ANKFN1: variants seen among roughly 807,000 people sequenced by gnomAD.
The protein encoded by ANKFN1 is ankyrin repeat and fibronectin type-III domain-containing protein 1.
A neutral mutation model predicts 108.7 loss-of-function variants in ANKFN1; 74 were observed. The ratio of observed to expected loss-of-function variants is 0.68; its 90% CI spans 0.56 to 0.83. The LOEUF (loss-of-function observed/expected upper bound fraction) is 0.83. Among genes scored for constraint, ANKFN1 ranks in the 40% least tolerant of loss-of-function variants. ANKFN1 has a pLI of 0.00. For missense variants in ANKFN1, 1,505 were observed against 1,382.3 expected (o/e 1.09, Z -1.41); for synonymous variants, 547 against 516.2 (o/e 1.06, Z -0.81).
chr17:56,169,855 G>A (rs1458801527), intron 1 of ANKFN1, among the ~76,000 whole-genome samples: 1 of 152,136 alleles, frequency 6.6e-6, no homozygotes, highest in Non-Finnish European at 1.5e-5. Flanking sequence ...GAGGCAGCAG[G>A]CAAGAGCAAG....
intron 3 of ANKFN1, among the ~76,000 whole-genome samples, chr17:56,314,583 G>GTGACTACTATTAATTTCACTT (rs2045143521): frequency 6.6e-6 from 1 of 152,100 alleles, no homozygotes; most frequent in African/African-American, 2.4e-5. Flanking sequence ...CATTTGCAGG[G>GTGACTACTATTAATTTCACTT]TGACTACTAT....
intron 1 of ANKFN1, among the ~76,000 whole-genome samples, chr17:56,164,400 C>T (rs1372254871): frequency 6.6e-6 from 1 of 152,142 alleles, no homozygotes; most frequent in African/African-American, 2.4e-5. Context: ...TCATGTTGTA[C>T]CCTAATTCAT....
intron 4 of ANKFN1, among the ~76,000 whole-genome samples, chr17:56,089,658 G>C (rs146614672): frequency 6.6e-6 from 1 of 151,108 alleles, no homozygotes; most frequent in Non-Finnish European, 1.5e-5. Context: ...TGTATTTTGC[G>C]TGGCTGCCAG....
chr17:56,182,828 A>G (rs1367532340), intron 1 of ANKFN1, among the ~76,000 whole-genome samples: 4 of 152,200 alleles, frequency 2.6e-5, no homozygotes, highest in African/African-American at 9.6e-5. Context: ...CTCTCGTTAG[A>G]GGCCAATGCA....
At chr17:56,170,385 G>A (rs564148049) in intron 1 of ANKFN1, among the ~76,000 whole-genome samples, 1 of 152,288 alleles carries the variant, frequency 6.6e-6, no homozygotes, top group South Asian at 2.1e-4. Context: ...AGAGTCTGCA[G>A]GAGGCAGACA....
intron 6 of ANKFN1, among the ~76,000 whole-genome samples, chr17:56,355,505 A>G (rs1287732292): frequency 6.6e-6 from 1 of 152,192 alleles, no homozygotes; most frequent in East Asian, 1.9e-4. Context: ...CAGGGACCAG[A>G]TTATGCAGGA....
chr17:56,471,079 T>G (rs1212644275), intron 15 of ANKFN1: 1 of 152,328 alleles, frequency 6.6e-6, no homozygotes, highest in Non-Finnish European at 1.5e-5. Context: ...TTGATCCTCA[T>G]GCAAACCCAA....
At chr17:56,503,275 G>A (rs1433734581) in intron 20 of ANKFN1, among the ~76,000 whole-genome samples, 1 of 151,252 alleles carries the variant, frequency 6.6e-6, no homozygotes, top group Non-Finnish European at 1.5e-5. Flanking sequence ...CCTTTTTCCA[G>A]ATGATGTTAA....
chr17:56,461,784 C>G (rs1344986903), intron 14 of ANKFN1, among the ~76,000 whole-genome samples: 1 of 152,218 alleles, frequency 6.6e-6, no homozygotes, highest in Non-Finnish European at 1.5e-5. Flanking sequence ...GTGGTAGACA[C>G]TCAGTAAGTA....
intron 6 of ANKFN1, among the ~76,000 whole-genome samples, chr17:56,369,842 C>T (rs2046762359): frequency 6.6e-6 from 1 of 152,200 alleles, no homozygotes; most frequent in Non-Finnish European, 1.5e-5. Context: ...CATGCAATTA[C>T]TTTTAACAAC....
At chr17:56,503,778 T>C (rs2051460779) in intron 20 of ANKFN1, among the ~76,000 whole-genome samples, 1 of 151,834 alleles carries the variant, frequency 6.6e-6, no homozygotes, top group Admixed American at 6.6e-5. Context: ...AAAGCCAAGC[T>C]TCCTAAGCCA....
intron 3 of ANKFN1, among the ~76,000 whole-genome samples, chr17:56,299,990 A>G (rs1306028732): frequency 3.3e-5 from 5 of 152,212 alleles, no homozygotes; most frequent in Non-Finnish European, 7.3e-5. Context: ...TTAATGAACC[A>G]AGGATGTTCT....
intron 4 of ANKFN1, among the ~76,000 whole-genome samples, chr17:56,349,581 T>C (rs541661006): frequency 6.6e-6 from 1 of 152,238 alleles, no homozygotes; most frequent in South Asian, 2.1e-4. Context: ...TGTGCACTCA[T>C]TTATTCTAAA....
chr17:56,402,290 G>A (rs2047787331), intron 8 of ANKFN1, among the ~76,000 whole-genome samples: 1 of 152,044 alleles, frequency 6.6e-6, no homozygotes, highest in African/African-American at 2.4e-5. Flanking sequence ...TGAATGTCTG[G>A]TAGAATTCTG....
At chr17:56,391,754 A>AT (rs1567967599) in intron 8 of ANKFN1, among the ~76,000 whole-genome samples, 1 of 152,086 alleles carries the variant, frequency 6.6e-6, no homozygotes. Flanking sequence ...AGAGCTACTA[A>AT]GTGATGTTAA....
chr17:56,491,666 A>C (rs1463796011), intron 18 of ANKFN1, among the ~76,000 whole-genome samples: 2 of 152,194 alleles, frequency 1.3e-5, no homozygotes, highest in Admixed American at 6.5e-5. Flanking sequence ...AGCCTATCAT[A>C]ATAGGCCCTT....
chr17:56,509,832 T>C (rs1205522696), intron 20 of ANKFN1, among the ~76,000 whole-genome samples: 6 of 152,208 alleles, frequency 3.9e-5, no homozygotes, highest in African/African-American at 1.4e-4. Flanking sequence ...TATCCATGAA[T>C]TTTGCAATAT....
intron 4 of ANKFN1, among the ~76,000 whole-genome samples, chr17:56,064,604 C>A (rs1486720700): frequency 3.3e-5 from 5 of 152,228 alleles, no homozygotes. Context: ...AAAAGCACAG[C>A]CTGGAGCTAT....
chr17:56,398,948 T>C (rs372001955), intron 8 of ANKFN1, among the ~76,000 whole-genome samples: 62 of 152,218 alleles, frequency 4.1e-4, no homozygotes, highest in South Asian at 3.7e-3. Flanking sequence ...GCCAAAATAA[T>C]TAAGCAATGC....
Sources: allele counts gnomAD v4.1 joint callset (sites outside exome capture counted in the v4.1 genomes callset), GRCh38; gene constraint gnomAD v4.1.1; transcripts MANE v1.5; gene names NCBI Gene and HGNC (gene_info 2026-07-23, HGNC 2026-07-21).